The following NRXN3 variants were observed in gnomAD, a reference collection of about 807,000 sequenced individuals.
The protein encoded by NRXN3 is neurexin 3.
A neutral mutation model predicts 137.6 loss-of-function variants in NRXN3; 32 were observed. The ratio of observed to expected loss-of-function variants is 0.23; its 90% CI spans 0.18 to 0.31. The LOEUF is 0.31. NRXN3 is among the 10% of genes least tolerant of loss of function. The probability of loss-of-function intolerance (pLI) is 1.00; values close to 1 mark genes in which losing one functional copy is unlikely to be tolerated. For missense variants in NRXN3, 1,574 were observed against 2,062.5 expected (o/e 0.76, Z 4.59); for synonymous variants, 798 against 784.5 (o/e 1.02, Z -0.29).
intron 16 of NRXN3, among the ~76,000 whole-genome samples, chr14:79,514,192 C>T (rs2096960246): frequency 6.6e-6 from 1 of 151,656 alleles, no homozygotes; most frequent in Non-Finnish European, 1.5e-5. Context: ...ACCCCCTCCC[C>T]CCGCTCCCCA....
intron 15 of NRXN3, among the ~76,000 whole-genome samples, chr14:79,156,958 A>C (rs1326933390): frequency 6.6e-6 from 1 of 151,818 alleles, no homozygotes; most frequent in Admixed American, 6.6e-5. Flanking sequence ...TGCCCAGAGC[A>C]TCCCCCAAGT....
At chr14:78,496,244 A>G (rs1244130531) in intron 4 of NRXN3, among the ~76,000 whole-genome samples, 1 of 152,200 alleles carries the variant, frequency 6.6e-6, no homozygotes, top group Non-Finnish European at 1.5e-5. Flanking sequence ...AACCTAACTC[A>G]TCAGATCATA....
intron 6 of NRXN3, among the ~76,000 whole-genome samples, chr14:78,669,857 GTATT>G (rs1349812845): frequency 4.6e-5 from 7 of 152,016 alleles, no homozygotes; most frequent in Admixed American, 2.6e-4. Context: ...TAAATTTTAT[GTATT>G]TATTTATTTT....
chr14:79,725,447 G>A (rs1252356775), intron 19 of NRXN3, among the ~76,000 whole-genome samples: 2 of 152,118 alleles, frequency 1.3e-5, no homozygotes, highest in African/African-American at 4.8e-5. Flanking sequence ...GCACATGGGT[G>A]TGTGTCATTG....
chr14:79,855,796 CAT>C (rs1238169955), intron 20 of NRXN3, among the ~76,000 whole-genome samples: 1 of 152,116 alleles, frequency 6.6e-6, no homozygotes, highest in Non-Finnish European at 1.5e-5. Context: ...AACCATCTAA[CAT>C]ATAAAAAATA....
At chr14:79,739,423 T>A (rs1343038552) in intron 19 of NRXN3, among the ~76,000 whole-genome samples, 1 of 151,846 alleles carries the variant, frequency 6.6e-6, no homozygotes, top group East Asian at 1.9e-4. Context: ...GGCAGGTGGA[T>A]CACCTGAGGT....
intron 16 of NRXN3, among the ~76,000 whole-genome samples, chr14:79,471,016 A>G (rs1187932758): frequency 6.6e-6 from 1 of 150,650 alleles, no homozygotes; most frequent in East Asian, 2.0e-4. Context: ...AGGAGAAGAG[A>G]CAAAGAAAGT....
chr14:79,137,919 C>T (rs971010816), intron 15 of NRXN3, among the ~76,000 whole-genome samples: 1 of 151,980 alleles, frequency 6.6e-6, no homozygotes, highest in African/African-American at 2.4e-5. Flanking sequence ...CTGGCTTTGG[C>T]GTTTCATTGT....
intron 19 of NRXN3, among the ~76,000 whole-genome samples, chr14:79,773,637 G>A (rs2099086918): frequency 9.0e-6 from 1 of 111,144 alleles, no homozygotes; most frequent in Non-Finnish European, 1.8e-5. Flanking sequence ...TTGGGGTGGG[G>A]GGAGGGGGGA....
chr14:79,533,014 T>C (rs2097182566), intron 16 of NRXN3, among the ~76,000 whole-genome samples: 1 of 152,128 alleles, frequency 6.6e-6, no homozygotes, highest in African/African-American at 2.4e-5. Flanking sequence ...CTGAACTCTA[T>C]TGAAGTATGG....
In NRXN3 at chr14:78,323,039, G is replaced by T. The variant is rs1258882568; in HGVS notation, c.757+25179G>T. 5.3e-5 allele frequency among the ~76,000 whole-genome samples: 8 copies of T among 151,990 alleles called. 1 individual carries two copies. The highest frequency in any genetic ancestry group is 3.9e-4 in the East Asian group (2 of 5,192). ...CACCATAATGCCTCTACAAATAAAGGCTTGATGTTATAGGAGAGGAGATTG... is the reference window on the plus strand; with the variant it reads ...CACCATAATGCCTCTACAAATAAAGTCTTGATGTTATAGGAGAGGAGATTG... On this transcript the variant is annotated intron_variant, in intron 4 of 20. Coordinates refer to ENST00000335750, the MANE Select transcript of NRXN3 (RefSeq NM_001330195.2).
chr14:79,022,636 A>T (rs576821507), intron 15 of NRXN3, among the ~76,000 whole-genome samples: 1 of 152,264 alleles, frequency 6.6e-6, no homozygotes, highest in Admixed American at 6.5e-5. Flanking sequence ...TTTCTTTGCC[A>T]CACTCCCCTG....
At chr14:78,807,881 A>G (rs1298932301) in intron 9 of NRXN3, among the ~76,000 whole-genome samples, 1 of 152,130 alleles carries the variant, frequency 6.6e-6, no homozygotes, top group Non-Finnish European at 1.5e-5. Flanking sequence ...AAGATATGCC[A>G]AGACTTAGGC....
chr14:79,388,580 C>G lies in NRXN3; in HGVS notation c.3263-78641C>G, dbSNP rs186165951. 2.3e-4 allele frequency among the ~76,000 whole-genome samples: 35 copies of G among 152,102 alleles called. 1 individual carries two copies. The highest frequency in any genetic ancestry group is 7.7e-4 in the African/African-American group (32 of 41,514). ...CATGGTGCTTTGTGGCACATAATGA[C>G]AAAGCATGACAGGCAGGCTCACAGC... On this transcript the variant is annotated intron_variant, in intron 15 of 20. Transcript: ENST00000335750.
chr14:78,321,291 T>C (rs1019620700), intron 4 of NRXN3, among the ~76,000 whole-genome samples: 1 of 151,922 alleles, frequency 6.6e-6, no homozygotes, highest in African/African-American at 2.4e-5. Flanking sequence ...AATAAAAACA[T>C]TGAAAAACTT....
At chr14:79,132,253 A>T (rs549394877) in intron 15 of NRXN3, among the ~76,000 whole-genome samples, 3 of 152,398 alleles carry the variant, frequency 2.0e-5, no homozygotes, top group African/African-American at 7.2e-5. Flanking sequence ...ACTGGAAGAC[A>T]TAAGTATGTG....
At chr14:79,009,697 A>T (rs1454970167) in intron 15 of NRXN3, among the ~76,000 whole-genome samples, 1 of 152,172 alleles carries the variant, frequency 6.6e-6, no homozygotes, top group African/African-American at 2.4e-5. Flanking sequence ...CCCGTCTTAT[A>T]AACAGAAAAG....
At chr14:78,430,873 T>G (rs73329172) in intron 4 of NRXN3, among the ~76,000 whole-genome samples, 3,742 of 152,270 alleles carry the variant, frequency 0.025, 126 homozygotes, top group African/African-American at 0.081. Context: ...CGATTTTATT[T>G]TGTTTTTATG....
intron 4 of NRXN3, among the ~76,000 whole-genome samples, chr14:78,607,761 G>A (rs1216824077): frequency 2.6e-5 from 4 of 152,120 alleles, no homozygotes; most frequent in Admixed American, 6.5e-5. Context: ...CTGTGTTAAG[G>A]TTTCTGTGGA....
Sources: gnomAD v4.1 joint callset for allele counts (sites outside exome capture counted in the v4.1 genomes callset) on GRCh38, gnomAD v4.1.1 for gene constraint, MANE v1.5 for transcripts, NCBI Gene and HGNC (gene_info 2026-07-23, HGNC 2026-07-21) for gene names.